MINDY4: variants seen among roughly 807,000 people sequenced by gnomAD.
The protein encoded by MINDY4 is MINDY lysine 48 deubiquitinase 4, also known as probable ubiquitin carboxyl-terminal hydrolase MINDY-4.
In MINDY4, 68 loss-of-function variants were observed where a neutral mutation model predicts 87.0. That is an observed-to-expected ratio of 0.78 (90% CI 0.64 to 0.96). MINDY4 has a LOEUF of 0.96. Among genes scored for constraint, MINDY4 ranks in the 40% least tolerant of loss-of-function variants. The probability of loss-of-function intolerance (pLI) is 0.00; values close to 1 mark genes in which losing one functional copy is unlikely to be tolerated. For synonymous variants in MINDY4, 379 were observed against 363.2 expected, an observed-to-expected ratio of 1.04 and a Z score of -0.50; for missense variants, 919 against 928.2, an observed-to-expected ratio of 0.99 and a Z score of 0.13.
At chr7:30,817,226 C>T (rs1038024200) in intron 5 of MINDY4, among the ~76,000 whole-genome samples, 2 of 152,088 alleles carry the variant, frequency 1.3e-5, no homozygotes, top group Non-Finnish European at 2.9e-5. Context: ...CGTCTAAGTG[C>T]CATCCAGCTC....
intron 5 of MINDY4, among the ~76,000 whole-genome samples, chr7:30,823,095 A>G (rs542262841): frequency 1.4e-4 from 21 of 152,060 alleles, no homozygotes; most frequent in Non-Finnish European, 2.8e-4. Context: ...GTGATGTTGT[A>G]TATTTCCTGT....
chr7:30,782,148 A>C lies in MINDY4; in HGVS notation c.355A>C (p.Ile119Leu). The C allele has an allele frequency of 6.2e-7, 1 of 1,614,132 alleles. No homozygotes were observed. Among genetic ancestry groups the C allele is most frequent in the Non-Finnish European group, 8.5e-7 (1 of 1,180,028 alleles). The change falls in exon 3 of 18, where the codon ATA (isoleucine) becomes CTA (leucine). Residue 119 changes from isoleucine to leucine, a missense_variant. By Grantham distance (5) the Ile-to-Leu change is conservative. Coordinates refer to ENST00000265299, the MANE Select transcript of MINDY4 (RefSeq NM_032222.3). ...ATGCTCAGAGACTACACTGGTAAAT[A>C]TATATGACCTTTCAGATGAAGATGC... ...SRCSETTLVN[I>L]YDLSDEDAGW...
At chr7:30,790,412 G>T (rs1051894273) in intron 4 of MINDY4, among the ~76,000 whole-genome samples, 4 of 151,860 alleles carry the variant, frequency 2.6e-5, no homozygotes, top group African/African-American at 9.7e-5. Flanking sequence ...TTTACCACAG[G>T]ATTTTAAAAA....
At chr7:30,853,508 G>A (rs1440124107) in intron 12 of MINDY4, 49 bp downstream of exon 12, 2 of 1,455,962 alleles carry the variant, frequency 1.4e-6, no homozygotes, top group African/African-American at 1.4e-5. Context: ...TAAGCCTTCT[G>A]ATTTCACTGT....
At chr7:30,821,915 A>G (rs550366928) in intron 5 of MINDY4, among the ~76,000 whole-genome samples, 1 of 152,204 alleles carries the variant, frequency 6.6e-6, no homozygotes, top group East Asian at 1.9e-4. Flanking sequence ...AGTACAATGA[A>G]TATCTGTAGA....
intron 9 of MINDY4, among the ~76,000 whole-genome samples, chr7:30,845,179 C>T (rs1789167126): frequency 6.6e-6 from 1 of 152,138 alleles, no homozygotes. Context: ...CCCACACAGA[C>T]TCCTAGGGAC....
chr7:30,777,171 A>G (rs1786850531), intron 1 of MINDY4, among the ~76,000 whole-genome samples: 1 of 152,006 alleles, frequency 6.6e-6, no homozygotes, highest in African/African-American at 2.4e-5. Context: ...CACCATGCCC[A>G]GGCCCCCGGT....
intron 17 of MINDY4, among the ~76,000 whole-genome samples, chr7:30,891,521 C>T (rs187667756): frequency 3.3e-4 from 51 of 152,346 alleles, no homozygotes; most frequent in African/African-American, 1.1e-3. Flanking sequence ...GCCAGCTTCC[C>T]GGCCCCTCCC....
Position 30,778,441 on chromosome 7 carries a change from A to G in MINDY4, c.73A>G (p.Lys25Glu). Reference sequence around the variant, plus strand: ...AGCTTTCTTCCCTCAGGGCTTAAAGAAGACATGTGTGACCATGGACCAGGA... The same window carrying G: ...AGCTTTCTTCCCTCAGGGCTTAAAGGAGACATGTGTGACCATGGACCAGGA... ...REFLSRKGLKKTCVTMDQERP... is the reference protein window; with the variant it reads ...REFLSRKGLKETCVTMDQERP... The change falls in exon 2 of 18, where the codon AAG becomes GAG. Residue 25 changes from lysine (K) to glutamate (E), a missense_variant. Transcript: ENST00000265299. 1.9e-6 allele frequency: 3 copies of G among 1,614,236 alleles called. No homozygotes were observed. Among genetic ancestry groups the G allele is most frequent in the Non-Finnish European group, 2.5e-6 (3 of 1,180,032 alleles).
chr7:30,791,107 C>T (rs968686500), intron 4 of MINDY4, 58 bp from the exon 5 acceptor site: 35 of 1,484,636 alleles, frequency 2.4e-5, no homozygotes, highest in African/African-American at 1.7e-4. Context: ...GAAGTGGGAT[C>T]TTTGTTTTCC....
At chr7:30,835,088 C>T (rs971727862) in intron 6 of MINDY4, among the ~76,000 whole-genome samples, 6 of 152,190 alleles carry the variant, frequency 3.9e-5, no homozygotes, top group East Asian at 1.9e-4. Flanking sequence ...TTTTCAGCAG[C>T]GCCCCACTTT....
chr7:30,851,727 C>T (rs903035715), intron 10 of MINDY4, among the ~76,000 whole-genome samples: 12 of 152,166 alleles, frequency 7.9e-5, no homozygotes, highest in African/African-American at 2.4e-4. Flanking sequence ...TGGTCCAAGG[C>T]TACACAGCCA....
chr7:30,848,135 T>C (rs763815270), intron 9 of MINDY4, among the ~76,000 whole-genome samples: 3 of 152,230 alleles, frequency 2.0e-5, no homozygotes, highest in Non-Finnish European at 4.4e-5. Flanking sequence ...ACAGGGGGTC[T>C]CCTTACTTCC....
rs565745732 is a variant in MINDY4 at position 30,867,927 on chromosome 7, G to T, written c.1746-4316G>T. On this transcript the variant is annotated intron_variant, in intron 13 of 17. Transcript: ENST00000265299. Reference sequence around the variant, plus strand: ...CCTAGGAGGCCCCTAGAGATTTCTTGCTCCAGTCCTCTGGCTTTCTAAGTG... The same window carrying T: ...CCTAGGAGGCCCCTAGAGATTTCTTTCTCCAGTCCTCTGGCTTTCTAAGTG... Among the ~76,000 whole-genome samples, 3 of 152,318 alleles carry T rather than the reference G, an allele frequency of 2.0e-5. No individual in the cohort carries two copies. The East Asian group carries it at 5.8e-4, about 29-fold the overall frequency.
At chr7:30,837,414 AG>A (rs1168592743) in intron 7 of MINDY4, among the ~76,000 whole-genome samples, 1 of 152,204 alleles carries the variant, frequency 6.6e-6, no homozygotes, top group African/African-American at 2.4e-5. Context: ...TAAAACTCCT[AG>A]GGACACAGCT....
At chr7:30,882,854 C>T (rs1420627807) in intron 16 of MINDY4, 67 bp from the exon 17 acceptor site, 4 of 1,478,704 alleles carry the variant, frequency 2.7e-6, no homozygotes, top group East Asian at 4.5e-5. Flanking sequence ...CGGGAGTGGT[C>T]AGCGCTGACC....
intron 9 of MINDY4, among the ~76,000 whole-genome samples, chr7:30,844,034 G>A (rs1054759967): frequency 6.6e-6 from 1 of 152,182 alleles, no homozygotes; most frequent in Non-Finnish European, 1.5e-5. Flanking sequence ...CATGGTGTAG[G>A]AGAGTGACCT....
intron 15 of MINDY4, among the ~76,000 whole-genome samples, chr7:30,880,251 C>G (rs1025736025): frequency 8.6e-5 from 13 of 151,970 alleles, no homozygotes; most frequent in African/African-American, 1.2e-4. Context: ...CATGTTCCCC[C>G]ACCAGGACAA....
At position 30,856,474 on chromosome 7, in the gene MINDY4, A is replaced by G. The variant is rs1789572095; in HGVS notation, c.1678-2783A>G. Among the ~76,000 whole-genome samples, 3 of 151,842 alleles carry G rather than the reference A, an allele frequency of 2.0e-5. 1 individual carries two copies. In the South Asian group the frequency reaches 6.3e-4, roughly 32 times the overall value. ...TGAGGGTGTTCCTAGGACTGGGGGCAACGCTGGCATAAATGTAATAATAGT... is the reference window on the plus strand; with the variant it reads ...TGAGGGTGTTCCTAGGACTGGGGGCGACGCTGGCATAAATGTAATAATAGT... On this transcript the variant is annotated intron_variant, in intron 12 of 17. Transcript: ENST00000265299.
Sources: gnomAD v4.1 joint callset for allele counts (sites outside exome capture counted in the v4.1 genomes callset) on GRCh38, gnomAD v4.1.1 for gene constraint, MANE v1.5 for transcripts, NCBI Gene and HGNC (gene_info 2026-07-23, HGNC 2026-07-21) for gene names.